SHISA6: variants seen among roughly 807,000 people sequenced by gnomAD.
SHISA6 encodes protein shisa-6.
SHISA6 carries 22 observed loss-of-function variants against 47.9 expected under a neutral mutation model. That is an observed-to-expected ratio of 0.46 (90% CI 0.33 to 0.66). The LOEUF is 0.66. SHISA6 is among the 30% of genes least tolerant of loss of function. The pLI is 0.02. For missense variants in SHISA6, 680 were observed against 764.6 expected (o/e 0.89, Z 1.30); for synonymous variants, 388 against 337.8 (o/e 1.15, Z -1.63).
At chr17:11,284,704 G>T (rs1470626870) in intron 2 of SHISA6, among the ~76,000 whole-genome samples, 2 of 152,148 alleles carry the variant, frequency 1.3e-5, no homozygotes, top group African/African-American at 4.8e-5. Flanking sequence ...ATGTCCCTTG[G>T]AATTCATCCT....
chr17:11,358,357 G>C lies in SHISA6; in HGVS notation c.800-21057G>C, dbSNP rs72807116. On this transcript the variant is annotated intron_variant, in intron 2 of 5. Transcript: ENST00000441885. ...AAGTTTCATCCATGTTGTAGTACTT[G>C]ACAGGATTCTTTTTTTTTTGAGATG... Among the ~76,000 whole-genome samples, 863 of 152,060 alleles carry C rather than the reference G, an allele frequency of 5.7e-3. 5 individuals are homozygous for C. The highest frequency in any genetic ancestry group is 0.01 in the Non-Finnish European group (693 of 67,968).
chr17:11,291,049 ATTAT>A (rs772422052), intron 2 of SHISA6, among the ~76,000 whole-genome samples: 11 of 151,800 alleles, frequency 7.2e-5, no homozygotes, highest in Non-Finnish European at 1.5e-4. Flanking sequence ...TTAATAATAA[ATTAT>A]TTATTCTAAA....
chr17:11,505,547 C>T (rs1366822909), intron 3 of SHISA6, among the ~76,000 whole-genome samples: 2 of 152,134 alleles, frequency 1.3e-5, no homozygotes, highest in Non-Finnish European at 2.9e-5. Flanking sequence ...TCTGGGAACC[C>T]GTCCTTTCCT....
In SHISA6 at chr17:11,558,265, C is replaced by A. The variant is rs1017388600; in HGVS notation, c.1617C>A (p.His539Gln). The A allele has an allele frequency of 6.5e-7, 1 of 1,539,562 alleles. No individual in the cohort carries two copies. The highest frequency in any genetic ancestry group is 8.7e-7 in the Non-Finnish European group (1 of 1,146,948). ...AGCTGCACTACATCCCGGGCCACCA[C>A]ACCTGCTACACAGCCAGCAAGACCG... ...VEQLHYIPGH[H>Q]TCYTASKTEV... Residue 539 changes from histidine to glutamine, a missense_variant, in exon 6 of 6, where the codon CAC becomes CAA. His to Gln is a conservative substitution (Grantham distance 24). This residue lies in a region of SHISA6 where 559 missense variants were observed against 674.1 expected (regional missense o/e 0.83). Transcript: ENST00000441885.
At chr17:11,316,005 G>A (rs4792130) in intron 2 of SHISA6, among the ~76,000 whole-genome samples, 109,911 of 152,028 alleles carry the variant, frequency 0.72, 39,964 homozygotes, top group Middle Eastern at 0.78. Flanking sequence ...CCATCATCAA[G>A]TGATCTGGTG....
At chr17:11,276,220 C>T (rs1028041778) in intron 2 of SHISA6, among the ~76,000 whole-genome samples, 6 of 151,946 alleles carry the variant, frequency 3.9e-5, no homozygotes, top group African/African-American at 7.3e-5. Context: ...TCAAGTGATC[C>T]GCCCGTCTCA....
intron 2 of SHISA6, among the ~76,000 whole-genome samples, chr17:11,277,280 T>TCTCTCTCTCTCTCTCACACA (rs1386997909): frequency 1.7e-4 from 9 of 53,928 alleles, no homozygotes; most frequent in South Asian, 1.1e-3. Flanking sequence ...TCTCTCTCTC[T>TCTCTCTCTCTCTCTCACACA]CACACACACA....
At chr17:11,301,463 T>C (rs973794539) in intron 2 of SHISA6, among the ~76,000 whole-genome samples, 2 of 152,188 alleles carry the variant, frequency 1.3e-5, no homozygotes, top group Non-Finnish European at 2.9e-5. Context: ...TGCAGCACTT[T>C]GGGTCAGTAT....
At chr17:11,320,341 A>T (rs1032688876) in intron 2 of SHISA6, among the ~76,000 whole-genome samples, 5 of 151,988 alleles carry the variant, frequency 3.3e-5, no homozygotes, top group Non-Finnish European at 7.4e-5. Context: ...GTGTTTGTGC[A>T]TGGGGGGTGG....
intron 3 of SHISA6, among the ~76,000 whole-genome samples, chr17:11,470,525 C>T (rs781588587): frequency 3.9e-5 from 6 of 152,200 alleles, no homozygotes; most frequent in Non-Finnish European, 8.8e-5. Context: ...TTTTGATTCT[C>T]GTCTGCAAGT....
intron 2 of SHISA6, among the ~76,000 whole-genome samples, chr17:11,350,534 A>C (rs1911852851): frequency 6.6e-6 from 1 of 152,144 alleles, no homozygotes; most frequent in South Asian, 2.1e-4. Flanking sequence ...GCCTCATCAG[A>C]TATCTAATCA....
At chr17:11,505,997 G>T (rs2071495740) in intron 3 of SHISA6, among the ~76,000 whole-genome samples, 1 of 152,212 alleles carries the variant, frequency 6.6e-6, no homozygotes, top group African/African-American at 2.4e-5. Context: ...GAATTAGGAA[G>T]AGAGTTTGGT....
intron 2 of SHISA6, among the ~76,000 whole-genome samples, chr17:11,371,903 G>T (rs1912641639): frequency 6.6e-6 from 1 of 151,762 alleles, no homozygotes; most frequent in African/African-American, 2.4e-5. Flanking sequence ...TCAAAGGAAA[G>T]AAAGTTTTAA....
At chr17:11,458,485 G>A (rs1465339331) in intron 3 of SHISA6, among the ~76,000 whole-genome samples, 2 of 152,144 alleles carry the variant, frequency 1.3e-5, no homozygotes, top group African/African-American at 2.4e-5. Flanking sequence ...CTGTCGCCAC[G>A]CTGTTGAGTG....
intron 3 of SHISA6, among the ~76,000 whole-genome samples, chr17:11,414,780 GTTA>G (rs1914230178): frequency 1.3e-5 from 2 of 152,154 alleles, no homozygotes. Context: ...GCTAAAGAAG[GTTA>G]TTATTCTCAA....
chr17:11,389,150 A>T (rs1913304914), intron 3 of SHISA6, among the ~76,000 whole-genome samples: 1 of 152,030 alleles, frequency 6.6e-6, no homozygotes, highest in African/African-American at 2.4e-5. Flanking sequence ...GTCCACCTCT[A>T]AGGTAGCACC....
intron 2 of SHISA6, among the ~76,000 whole-genome samples, chr17:11,378,110 G>C (rs1169628660): frequency 6.6e-6 from 1 of 152,130 alleles, no homozygotes; most frequent in Non-Finnish European, 1.5e-5. Flanking sequence ...GATCCAGAAA[G>C]TGGCATTACA....
At chr17:11,550,748 A>G (rs1009154329) in intron 3 of SHISA6, among the ~76,000 whole-genome samples, 13 of 152,228 alleles carry the variant, frequency 8.5e-5, no homozygotes, top group Non-Finnish European at 1.5e-4. Flanking sequence ...ATCTAACCCT[A>G]CAGATCAAGA....
intron 3 of SHISA6, among the ~76,000 whole-genome samples, chr17:11,445,945 G>A (rs1465596219): frequency 7.2e-5 from 11 of 152,052 alleles, no homozygotes; most frequent in African/African-American, 2.7e-4. Flanking sequence ...CTCCTGCCTC[G>A]GCGTCCTGAG....
Sources: allele counts gnomAD v4.1 joint callset (sites outside exome capture counted in the v4.1 genomes callset), GRCh38; gene constraint gnomAD v4.1.1; regional missense constraint gnomAD v4.1.1; transcripts MANE v1.5; gene names NCBI Gene and HGNC (gene_info 2026-07-23, HGNC 2026-07-21).